FRMD4B: variants seen among roughly 807,000 people sequenced by gnomAD.
FRMD4B encodes FERM domain-containing protein 4B.
Under a neutral mutation model 141.5 loss-of-function variants are expected in FRMD4B, and 74 were observed. The observed-to-expected ratio is 0.52, with a 90% CI of 0.43 to 0.63. The LOEUF (loss-of-function observed/expected upper bound fraction) is 0.63. FRMD4B is among the 30% of genes least tolerant of loss of function. FRMD4B has a pLI of 0.00. For missense variants in FRMD4B, 1,366 were observed against 1,253.4 expected, an observed-to-expected ratio of 1.09 and a Z score of -1.36; for synonymous variants, 506 against 467.9, an observed-to-expected ratio of 1.08 and a Z score of -1.05.
intron 1 of FRMD4B, among the ~76,000 whole-genome samples, chr3:69,383,654 G>A (rs1030362197): frequency 6.6e-6 from 1 of 152,130 alleles, no homozygotes; most frequent in Non-Finnish European, 1.5e-5. Flanking sequence ...TGAACTCCTG[G>A]GCTCAAGTGA....
At chr3:69,204,199 A>C (rs1442705879) in intron 11 of FRMD4B, among the ~76,000 whole-genome samples, 1 of 152,152 alleles carries the variant, frequency 6.6e-6, no homozygotes, top group Non-Finnish European at 1.5e-5. Context: ...AAATGCTGAG[A>C]AGTATGCACC....
At chr3:69,477,362 A>T (rs199976854) in intron 1 of FRMD4B, among the ~76,000 whole-genome samples, 4,388 of 117,432 alleles carry the variant, frequency 0.037, 213 homozygotes, top group African/African-American at 0.087. Flanking sequence ...AGCTCTTATA[A>T]TTTGAGATAC....
intron 1 of FRMD4B, among the ~76,000 whole-genome samples, chr3:69,460,501 T>C (rs972308596): frequency 7.2e-5 from 11 of 152,200 alleles, no homozygotes; most frequent in African/African-American, 1.4e-4. Flanking sequence ...AGGACACAAA[T>C]TGTCATCAGT....
At chr3:69,501,843 C>A (rs1469965356) in intron 1 of FRMD4B, among the ~76,000 whole-genome samples, 1 of 151,948 alleles carries the variant, frequency 6.6e-6, no homozygotes, top group East Asian at 1.9e-4. Flanking sequence ...TCTCAGGATA[C>A]AAAATCAATG....
chr3:69,181,245 G>A lies in FRMD4B; in HGVS notation c.2505C>T (p.Val835=), dbSNP rs1251521577. ...YENDTEGQYS[V]NPSYRSSAHY... ...GGGCTGAGGACCGGTAGGAAGGGTTGACACTATACTGTCCCTCGGTGTCAT... is the reference window on the plus strand; with the variant it reads ...GGGCTGAGGACCGGTAGGAAGGGTTAACACTATACTGTCCCTCGGTGTCAT... Residue 835 remains valine (V), a synonymous_variant, in exon 21 of 23, where the codon GTC becomes GTT. Transcript: ENST00000398540. 6.2e-7 allele frequency: 1 copy of A among 1,613,718 alleles called. No homozygotes were observed. Among genetic ancestry groups the A allele is most frequent in the African/African-American group, 1.3e-5 (1 of 75,022 alleles).
Position 69,229,138 on chromosome 3 carries a change from C to T in FRMD4B, c.582-4448G>A, listed in dbSNP as rs1052892429. On this transcript the variant is annotated intron_variant, in intron 7 of 22. Coordinates refer to ENST00000398540, the MANE Select transcript of FRMD4B (RefSeq NM_015123.3). ...CCTCCAGGGCTCAAGTGATCCTCCCCGCTCAGCCTCCAAAGTAGCTAGAAT... is the reference window on the plus strand; with the variant it reads ...CCTCCAGGGCTCAAGTGATCCTCCCTGCTCAGCCTCCAAAGTAGCTAGAAT... Among the ~76,000 whole-genome samples, 10 of 151,710 alleles carry T rather than the reference C, an allele frequency of 6.6e-5. No homozygotes were observed. The East Asian group carries it at 1.5e-3, about 24-fold the overall frequency.
upstream of FRMD4B, among the ~76,000 whole-genome samples, chr3:69,390,050 T>C (rs79573821): frequency 6.6e-6 from 1 of 151,814 alleles, no homozygotes; most frequent in East Asian, 1.9e-4. Context: ...CACCTGGGAG[T>C]TGTGCTGTCG....
At position 69,413,121 on chromosome 3, in the gene FRMD4B, TA is replaced by T. The variant is rs1466658020; in HGVS notation, c.-1+19512del. Among the ~76,000 whole-genome samples, 3 of 152,220 alleles carry T rather than the reference TA, an allele frequency of 2.0e-5. No homozygotes were observed. The East Asian group carries it at 5.8e-4, about 29-fold the overall frequency. The stretch of plus-strand genomic sequence containing the variant: ...CACAGTGCCTAATGTATAGTAGGCA[TA>T]AGAGTCAGGTTTGTTGAACGACGGG... On this transcript the variant is annotated intron_variant, in intron 2 of 5. Transcript: ENST00000459638.
Position 69,195,291 on chromosome 3 carries a change from T to C in FRMD4B, c.1308A>G (p.Leu436=), listed in dbSNP as rs764266401. The change falls in exon 15 of 23, where the codon CTA becomes CTG. Residue 436 remains leucine (L), a synonymous_variant. Transcript: ENST00000398540. The part of the protein sequence containing the change: ...KILELKKKEK[L]LQEKLLKKVE... ...CTTTTTTCAGAAGTTTTTCTTGTAA[T>C]AGTTTCTCCTTCTTCTTTAGTTCAA... 2 of 1,613,324 alleles carry C rather than the reference T, an allele frequency of 1.2e-6. No individual in the cohort carries two copies. The highest frequency in any genetic ancestry group is 2.7e-5 in the African/African-American group (2 of 74,872).
intron 1 of FRMD4B, among the ~76,000 whole-genome samples, chr3:69,490,151 C>T (rs9850094): frequency 0.023 from 3,497 of 152,228 alleles, 148 homozygotes; most frequent in African/African-American, 0.079. Flanking sequence ...GATTATGGTG[C>T]TGGTTGCCCT....
At chr3:69,289,880 GAATT>G (rs1432281504) in intron 4 of FRMD4B, among the ~76,000 whole-genome samples, 3 of 152,144 alleles carry the variant, frequency 2.0e-5, no homozygotes, top group African/African-American at 7.2e-5. Flanking sequence ...AAACCAAGGA[GAATT>G]AATTCCTGAC....
At chr3:69,178,587 G>A (rs529549591) in intron 21 of FRMD4B, among the ~76,000 whole-genome samples, 13 of 151,882 alleles carry the variant, frequency 8.6e-5, no homozygotes, top group Non-Finnish European at 1.8e-4. Context: ...AGGGAGGATC[G>A]CGTTGAGCCA....
intron 19 of FRMD4B, among the ~76,000 whole-genome samples, chr3:69,182,928 T>C (rs2092724336): frequency 1.3e-5 from 2 of 151,906 alleles, no homozygotes; most frequent in African/African-American, 4.8e-5. Context: ...GAGTCACAAA[T>C]ATGTAGGGAA....
At chr3:69,250,916 C>T (rs959004013) in intron 5 of FRMD4B, among the ~76,000 whole-genome samples, 4 of 150,814 alleles carry the variant, frequency 2.7e-5, no homozygotes, top group African/African-American at 9.9e-5. Context: ...AGAGAGACCT[C>T]ATCTCTACCA....
chr3:69,373,917 C>T (rs1034390675), intron 1 of FRMD4B, among the ~76,000 whole-genome samples: 30 of 152,308 alleles, frequency 2.0e-4, no homozygotes, highest in African/African-American at 7.0e-4. Context: ...ATGAGCCAGG[C>T]AGCCTAGTGA....
intron 2 of FRMD4B, among the ~76,000 whole-genome samples, chr3:69,396,315 G>C (rs1253125303): frequency 6.6e-6 from 1 of 152,022 alleles, no homozygotes; most frequent in Non-Finnish European, 1.5e-5. Flanking sequence ...GACCAGCCTG[G>C]CCAATATGGT....
chr3:69,222,719 C>A (rs371569403), intron 8 of FRMD4B, among the ~76,000 whole-genome samples: 4 of 152,162 alleles, frequency 2.6e-5, no homozygotes, highest in Non-Finnish European at 5.9e-5. Context: ...TGCAGTGAGC[C>A]GAGCTTGCGC....
intron 1 of FRMD4B, among the ~76,000 whole-genome samples, chr3:69,384,411 A>G (rs1453392481): frequency 1.3e-5 from 2 of 152,202 alleles, no homozygotes; most frequent in Non-Finnish European, 2.9e-5. Flanking sequence ...TTTCTCAAAC[A>G]CTAAAAAGGA....
intron 1 of FRMD4B, among the ~76,000 whole-genome samples, chr3:69,384,994 A>C (rs13099017): frequency 0.16 from 23,890 of 152,096 alleles, 1,990 homozygotes; most frequent in Admixed American, 0.21. Context: ...ATTTCTAAAC[A>C]ATGCAGATTT....
Sources: gnomAD v4.1 joint callset for allele counts (sites outside exome capture counted in the v4.1 genomes callset) on GRCh38, gnomAD v4.1.1 for gene constraint, MANE v1.5 for transcripts, NCBI Gene and HGNC (gene_info 2026-07-23, HGNC 2026-07-21) for gene names.